PLXNA2: variants seen among roughly 807,000 people sequenced by gnomAD.
PLXNA2 encodes plexin A2, also known as plexin-A2.
PLXNA2 carries 91 observed loss-of-function variants against 193.5 expected under a neutral mutation model. The ratio of observed to expected loss-of-function variants is 0.47; its 90% CI spans 0.40 to 0.56. The LOEUF (loss-of-function observed/expected upper bound fraction) is 0.56, where lower values mean the gene tolerates loss of function less well. Ranked by LOEUF, PLXNA2 falls within the 20% of genes least tolerant of loss-of-function variation. PLXNA2 has a pLI of 0.00. For synonymous variants in PLXNA2, 997 were observed against 1,027.3 expected, an observed-to-expected ratio of 0.97 and a Z score of 0.56; for missense variants, 1,995 against 2,503.2, an observed-to-expected ratio of 0.80 and a Z score of 4.33.
At chr1:208,204,083 C>T (rs973933404) in intron 3 of PLXNA2, among the ~76,000 whole-genome samples, 3 of 152,150 alleles carry the variant, frequency 2.0e-5, no homozygotes, top group African/African-American at 7.2e-5. Context: ...TGGTATGTCC[C>T]TTAGGGAAAG....
chr1:208,036,567 A>C (rs1664675622), intron 26 of PLXNA2, among the ~76,000 whole-genome samples: 1 of 152,238 alleles, frequency 6.6e-6, no homozygotes, highest in African/African-American at 2.4e-5. Flanking sequence ...GGCTGCGAGC[A>C]GTGCCTGGGA....
chr1:208,181,737 C>T lies in PLXNA2; in HGVS notation c.1371+28543G>A, dbSNP rs142088369. ...TCTGTAGACCAGGCCGTTGTGGGCC[C>T]GAGTTCACTGTGAAGGTAGGGATGA... On this transcript the variant is annotated intron_variant, in intron 3 of 31. Transcript: ENST00000367033. Among the ~76,000 whole-genome samples the T allele has an allele frequency of 6.7e-3, 1,013 of 152,256 alleles. 14 individuals carry two copies. The highest frequency in any genetic ancestry group is 0.023 in the African/African-American group (948 of 41,536).
chr1:208,040,174 G>A (rs750474751), intron 22 of PLXNA2, 116 bp from the exon 23 acceptor site: 25 of 800,306 alleles, frequency 3.1e-5, no homozygotes, highest in Admixed American at 1.3e-4. Flanking sequence ...AACGCAGGGC[G>A]GGAGTCAGGA....
chr1:208,163,796 C>G (rs146210721), intron 3 of PLXNA2, among the ~76,000 whole-genome samples: 37 of 152,318 alleles, frequency 2.4e-4, no homozygotes, highest in African/African-American at 6.7e-4. Flanking sequence ...TTCTCCCAAC[C>G]ATCCTTTGTT....
chr1:208,205,472 G>A (rs901826538), intron 3 of PLXNA2, among the ~76,000 whole-genome samples: 24 of 152,074 alleles, frequency 1.6e-4, no homozygotes, highest in Non-Finnish European at 7.4e-5. Flanking sequence ...TGACCCTGAG[G>A]GGCTTTCTGC....
intron 17 of PLXNA2, among the ~76,000 whole-genome samples, chr1:208,048,040 C>T (rs1429625477): frequency 1.3e-5 from 2 of 152,184 alleles, no homozygotes; most frequent in South Asian, 2.1e-4. Context: ...TTCCTGGGTT[C>T]TGCAAGAAGA....
At chr1:208,054,395 C>A in intron 14 of PLXNA2, 26 bp downstream of exon 14, 1 of 1,511,596 alleles carries the variant, frequency 6.6e-7, no homozygotes, top group Non-Finnish European at 9.2e-7. Context: ...TGGGCACCTG[C>A]ACCTGGCCCT....
At position 208,082,297 on chromosome 1, in the gene PLXNA2, G is replaced by A. The variant is rs1336650278; in HGVS notation, c.2395+115C>T. 10 of 778,264 alleles carry A rather than the reference G, an allele frequency of 1.3e-5. No individual in the cohort carries two copies. The highest frequency in any genetic ancestry group is 8.1e-5 in the East Asian group (3 of 37,036). 48.2% of individuals were successfully genotyped at this position (778,264 alleles called of 1,614,324 possible). A position where few individuals can be genotyped will look rare whatever the true frequency, so the allele number is the denominator to read the frequency against. On this transcript the variant is annotated intron_variant, in intron 11 of 31. Coordinates refer to ENST00000367033, the MANE Select transcript of PLXNA2 (RefSeq NM_025179.4). This position sits in a 1 kb window ranked among gnomAD's most constrained non-coding sequence, Gnocchi z 4.2. The stretch of plus-strand genomic sequence containing the variant: ...TTAGGATCCTCTGAAGAGTTCCGCC[G>A]ACAGAGGGAGTGTATTATTCATGGC...
intron 14 of PLXNA2, among the ~76,000 whole-genome samples, chr1:208,054,173 C>T (rs1327713344): frequency 1.3e-5 from 2 of 152,202 alleles, no homozygotes; most frequent in East Asian, 1.9e-4. Flanking sequence ...TTATTTAGAA[C>T]TCTGACCTGT....
chr1:208,096,271 T>G, intron 7 of PLXNA2, 146 bp from the exon 8 acceptor site: 1 of 663,636 alleles, frequency 1.5e-6, no homozygotes. Context: ...GAATCGTCTC[T>G]TCTCCTCCCA....
intron 29 of PLXNA2, chr1:208,031,082 C>T: frequency 2.0e-6 from 2 of 991,394 alleles, no homozygotes; most frequent in Non-Finnish European, 2.4e-6. Context: ...TCAGTGGGCT[C>T]AAGTCTATAG....
intron 10 of PLXNA2, 142 bp downstream of exon 10, chr1:208,084,238 G>C: frequency 1.2e-6 from 1 of 821,484 alleles, no homozygotes; most frequent in Non-Finnish European, 1.9e-6. Flanking sequence ...TGGGGTGCTG[G>C]CTGGCTCCTG....
Position 208,038,491 on chromosome 1 carries a change from G to A in PLXNA2, c.4661-17C>T, listed in dbSNP as rs1474010961. ...GGCGCCACTCTGGGTGGAGGGGGTGGTGCAGGGAGCGGCGTGAGAGGGATG... is the reference window on the plus strand; with the variant it reads ...GGCGCCACTCTGGGTGGAGGGGGTGATGCAGGGAGCGGCGTGAGAGGGATG... On this transcript the variant is annotated splice_polypyrimidine_tract_variant and intron_variant, in intron 25 of 31. Transcript: ENST00000367033. The surrounding 1 kb of genome is among the most constrained non-coding windows in gnomAD (Gnocchi z 4.1). 6.3e-7 allele frequency: 1 copy of A among 1,599,412 alleles called. No homozygotes were observed. The highest frequency in any genetic ancestry group is 8.6e-7 in the Non-Finnish European group (1 of 1,166,570).
chr1:208,030,248 G>T (rs1664457873), intron 29 of PLXNA2: 1 of 985,378 alleles, frequency 1.0e-6, no homozygotes, highest in Non-Finnish European at 1.2e-6. Flanking sequence ...ATCTTTCCCT[G>T]GACATTTGCT....
chr1:208,055,685 C>A (rs1001499602), intron 13 of PLXNA2, among the ~76,000 whole-genome samples: 1 of 152,106 alleles, frequency 6.6e-6, no homozygotes, highest in African/African-American at 2.4e-5. Context: ...TTTAACCGAG[C>A]GATGCTTATC....
In PLXNA2 at chr1:208,043,174, C is replaced by T. The variant is rs1664934799; in HGVS notation, c.3904G>A (p.Glu1302Lys). ...GAGCGGTCCAGGTCACTGGTCAACT[C>T]ATTGATATCCGTCTGGAGCTCAGCA... ...AFAELQTDIN[E>K]LTSDLDRSGI... Residue 1302 changes from glutamate (E) to lysine (K), a missense_variant, in exon 21 of 32, where the codon GAG (glutamate) becomes AAG (lysine). Around this residue, in one of 3 missense-constraint regions of PLXNA2, gnomAD observed 1,291 missense variants for 1,673.6 expected, o/e 0.77. Coordinates refer to ENST00000367033, the MANE Select transcript of PLXNA2 (RefSeq NM_025179.4). 2 of 1,613,994 alleles carry T rather than the reference C, an allele frequency of 1.2e-6. No homozygotes were observed. Among genetic ancestry groups the T allele is most frequent in the Admixed American group, 1.7e-5 (1 of 60,006 alleles).
At chr1:208,185,710 A>G (rs1232714508) in intron 3 of PLXNA2, among the ~76,000 whole-genome samples, 2 of 135,064 alleles carry the variant, frequency 1.5e-5, no homozygotes, top group Non-Finnish European at 3.3e-5. Flanking sequence ...AAAAAAAAAA[A>G]AAAAAAAAGG....
intron 17 of PLXNA2, 106 bp from the exon 18 acceptor site, chr1:208,046,223 G>T: frequency 7.3e-7 from 1 of 1,370,196 alleles, no homozygotes; most frequent in Non-Finnish European, 9.8e-7. Flanking sequence ...CTCGTCACTG[G>T]GTTTACTTGC....
chr1:208,027,411 C>G (rs545575434), intron 31 of PLXNA2, 73 bp from the exon 32 acceptor site: 1 of 1,194,476 alleles, frequency 8.4e-7, no homozygotes, highest in East Asian at 2.4e-5. Flanking sequence ...GAGTCGTTCC[C>G]TCTTTGCCCT....
Sources: gnomAD v4.1 joint callset for allele counts (sites outside exome capture counted in the v4.1 genomes callset) on GRCh38, gnomAD v4.1.1 for gene constraint, gnomAD v4.1.1 regional missense constraint, Gnocchi (gnomAD v3.1) non-coding constraint, MANE v1.5 for transcripts, NCBI Gene and HGNC (gene_info 2026-07-23, HGNC 2026-07-21) for gene names.